COL23A1: variants seen among roughly 807,000 people sequenced by gnomAD.
COL23A1 encodes collagen alpha-1(XXIII) chain.
COL23A1 carries 97 observed loss-of-function variants against 99.3 expected under a neutral mutation model. The ratio of observed to expected loss-of-function variants is 0.98; its 90% CI spans 0.83 to 1.16. COL23A1 has a LOEUF of 1.16. COL23A1 is among the 50% of genes most tolerant of loss of function. The probability of loss-of-function intolerance (pLI) is 0.00; values close to 1 mark genes in which losing one functional copy is unlikely to be tolerated. For synonymous variants in COL23A1, 320 were observed against 308.2 expected (o/e 1.04, Z -0.40); for missense variants, 762 against 757.4 (o/e 1.01, Z -0.07).
chr5:178,337,216 C>T (rs753550714), intron 2 of COL23A1, among the ~76,000 whole-genome samples: 21 of 152,220 alleles, frequency 1.4e-4, no homozygotes, highest in Non-Finnish European at 2.6e-4. Context: ...CTCCCCACAG[C>T]CTGCGTGCAC....
intron 2 of COL23A1, among the ~76,000 whole-genome samples, chr5:178,373,275 A>C (rs978269560): frequency 6.6e-6 from 1 of 152,156 alleles, no homozygotes; most frequent in Non-Finnish European, 1.5e-5. Context: ...AGCAGCAGTA[A>C]CACCACAGGG....
In COL23A1 at chr5:178,246,402, TG is replaced by T; in HGVS notation, c.1347del (p.Ser450AlafsTer30). The T allele has an allele frequency of 6.3e-7, 1 of 1,580,218 alleles. No homozygotes were observed. Among genetic ancestry groups the T allele is most frequent in the Non-Finnish European group, 8.6e-7 (1 of 1,162,436 alleles). The stretch of plus-strand genomic sequence containing the variant: ...CTTGTGAGACTCACAGGCAGGCCGC[TG>T]GGGCCTCTCTCACCCGACGCACCCT... ...GEKGASGERG[P>X]SGLPGPVGPP... On this transcript the variant is annotated frameshift_variant, in exon 23 of 29. Transcript: ENST00000390654. LOFTEE classifies it high-confidence loss of function.
rs776952087 is a variant in COL23A1, at chr5:178,254,964, G to T, written c.945C>A (p.Ile315=). The change falls in exon 16 of 29, where the codon ATC becomes ATA. Residue 315 remains isoleucine, a synonymous_variant. Coordinates refer to ENST00000390654, the MANE Select transcript of COL23A1 (RefSeq NM_173465.4). ...DTVVIDYDGR[I]LDALKGPPGP... is the part of the protein sequence containing the mutation. ...GGAACACTACCTTGAGGGCATCCAA[G>T]ATCCTGCCATCATAGTCGATCACCA... 6.2e-7 allele frequency: 1 copy of T among 1,613,560 alleles called. No homozygotes were observed. The highest frequency in any genetic ancestry group is 2.2e-5 in the East Asian group (1 of 44,870).
At chr5:178,480,456 G>A (rs566432806) in intron 2 of COL23A1, among the ~76,000 whole-genome samples, 42 of 152,304 alleles carry the variant, frequency 2.8e-4, no homozygotes, top group Non-Finnish European at 5.4e-4. Context: ...TGAACCTGGT[G>A]CACCTCCCAC....
At chr5:178,560,792 G>C in intron 1 of COL23A1, 44 bp from the exon 2 acceptor site, 61 of 1,544,642 alleles carry the variant, frequency 3.9e-5, no homozygotes, top group Non-Finnish European at 4.9e-5. Flanking sequence ...GAGAGAATGA[G>C]TTTCAGAACA....
intron 2 of COL23A1, among the ~76,000 whole-genome samples, chr5:178,524,179 G>A (rs1006838488): frequency 3.3e-5 from 5 of 152,144 alleles, no homozygotes; most frequent in Non-Finnish European, 4.4e-5. Context: ...GCTGGATCCA[G>A]GCACTCCAAT....
chr5:178,534,743 C>T (rs560180744), intron 2 of COL23A1, among the ~76,000 whole-genome samples: 4 of 152,092 alleles, frequency 2.6e-5, no homozygotes, highest in Non-Finnish European at 5.9e-5. Context: ...CGTGCCACTG[C>T]ACTCCAGCCT....
chr5:178,385,212 C>T (rs983747877), intron 2 of COL23A1, among the ~76,000 whole-genome samples: 1 of 152,180 alleles, frequency 6.6e-6, no homozygotes, highest in Non-Finnish European at 1.5e-5. Context: ...GCCTCTCAGA[C>T]TCTTCTCCTT....
At chr5:178,341,275 C>T (rs1344062873) in intron 2 of COL23A1, among the ~76,000 whole-genome samples, 2 of 152,196 alleles carry the variant, frequency 1.3e-5, no homozygotes, top group Admixed American at 6.5e-5. Flanking sequence ...CAGGTGCGTG[C>T]CACCATGCCT....
rs1159261586 is a variant in COL23A1 at position 178,498,205 on chromosome 5, AATATATATATATATATAT to A, written c.361+62459_361+62476del. On this transcript the variant is annotated intron_variant, in intron 2 of 28. Transcript: ENST00000390654. ...CATGGCGAGACCCTGTCTTTATTTA[AATATATATATATATATAT>A]ATATATATATATATATATATATATA... 5.7e-3 allele frequency among the ~76,000 whole-genome samples: 196 copies of A among 34,688 alleles called. 4 individuals carry two copies. The highest frequency in any genetic ancestry group is 0.017 in the East Asian group (14 of 814). 22.8% of individuals were successfully genotyped at this position (34,688 alleles called of 152,430 possible).
chr5:178,467,653 C>T (rs553172177), intron 2 of COL23A1, among the ~76,000 whole-genome samples: 1 of 152,314 alleles, frequency 6.6e-6, no homozygotes, highest in African/African-American at 2.4e-5. Flanking sequence ...CCCCACCCCA[C>T]GGCACACCCG....
At chr5:178,527,756 A>C (rs1315497046) in intron 2 of COL23A1, among the ~76,000 whole-genome samples, 1 of 151,890 alleles carries the variant, frequency 6.6e-6, no homozygotes, top group Admixed American at 6.5e-5. Context: ...GCCCCTGCCC[A>C]CGCCCCTGCC....
chr5:178,508,476 T>C (rs1256800790), intron 2 of COL23A1, among the ~76,000 whole-genome samples: 1 of 152,158 alleles, frequency 6.6e-6, no homozygotes, highest in African/African-American at 2.4e-5. Context: ...TGGATCTTGT[T>C]TAATCTATCT....
chr5:178,389,563 C>T (rs6896828), intron 2 of COL23A1, among the ~76,000 whole-genome samples: 6,456 of 152,260 alleles, frequency 0.042, 483 homozygotes, highest in African/African-American at 0.15. Context: ...GACACTAATT[C>T]AATGAGTTAT....
At chr5:178,585,404 G>GC (rs148855510) in intron 1 of COL23A1, among the ~76,000 whole-genome samples, 42 of 139,494 alleles carry the variant, frequency 3.0e-4, no homozygotes, top group African/African-American at 8.9e-4. Context: ...CCTGACTGAT[G>GC]TGTGGGTAAC....
chr5:178,328,781 T>C (rs569760197), intron 2 of COL23A1, among the ~76,000 whole-genome samples: 2 of 152,130 alleles, frequency 1.3e-5, no homozygotes, highest in East Asian at 3.9e-4. Context: ...TAGACGGTTA[T>C]AGAGGTAACG....
At chr5:178,261,639 G>A (rs947571009) in intron 11 of COL23A1, 83 bp downstream of exon 11, 13 of 930,692 alleles carry the variant, frequency 1.4e-5, no homozygotes, top group African/African-American at 3.2e-5. Context: ...GGGGTGGGGG[G>A]AAGAGACAGG....
Position 178,281,943 on chromosome 5 carries a change from T to C in COL23A1, c.441+6381A>G, listed in dbSNP as rs2127577375. On this transcript the variant is annotated intron_variant, in intron 5 of 28. Coordinates refer to ENST00000390654, the MANE Select transcript of COL23A1 (RefSeq NM_173465.4). The surrounding 1 kb of genome is among the most constrained non-coding windows in gnomAD (Gnocchi z 4.0). ...GGTGCGTACCTGTAATCCTAGCTACTTGGGAGGCTGAGGCACGAGAATCAC... is the reference window on the plus strand; with the variant it reads ...GGTGCGTACCTGTAATCCTAGCTACCTGGGAGGCTGAGGCACGAGAATCAC... Among the ~76,000 whole-genome samples, 1 of 150,636 alleles carries C rather than the reference T, an allele frequency of 6.6e-6. No individual in the cohort carries two copies. The highest frequency in any genetic ancestry group is 2.0e-4 in the East Asian group (1 of 5,114).
chr5:178,394,792 G>C (rs1435594968), intron 2 of COL23A1, among the ~76,000 whole-genome samples: 1 of 152,240 alleles, frequency 6.6e-6, no homozygotes, highest in Admixed American at 6.5e-5. Context: ...ACAAGGCCCT[G>C]GGTCTCGGGC....
Sources: gnomAD v4.1 joint callset for allele counts (sites outside exome capture counted in the v4.1 genomes callset) on GRCh38, gnomAD v4.1.1 for gene constraint, Gnocchi (gnomAD v3.1) non-coding constraint, MANE v1.5 for transcripts, NCBI Gene and HGNC (gene_info 2026-07-23, HGNC 2026-07-21) for gene names.